Variants in ACSS2 observed in about 807,000 individuals in gnomAD.
ACSS2 encodes the protein acyl-CoA synthetase short chain family member 2, also known as acetyl-coenzyme A synthetase, cytoplasmic.
Under a neutral mutation model 90.6 loss-of-function variants are expected in ACSS2, and 58 were observed. The ratio of observed to expected loss-of-function variants is 0.64; its 90% CI spans 0.52 to 0.80. The LOEUF (loss-of-function observed/expected upper bound fraction) is 0.80. ACSS2 is among the 30% of genes least tolerant of loss of function. The probability of loss-of-function intolerance (pLI) is 0.00; values close to 1 mark genes in which losing one functional copy is unlikely to be tolerated. For synonymous variants in ACSS2, 300 were observed against 330.9 expected (o/e 0.91, Z 1.01); for missense variants, 759 against 912.0 (o/e 0.83, Z 2.16).
intron 2 of ACSS2, among the ~76,000 whole-genome samples, chr20:34,899,118 C>T (rs1292739891): frequency 1.3e-5 from 2 of 152,216 alleles, no homozygotes; most frequent in East Asian, 3.9e-4. Flanking sequence ...GCCAAGCCCA[C>T]GCCCACTCGG....
At chr20:34,925,658 C>A in intron 14 of ACSS2, 40 bp from the exon 15 acceptor site, 1 of 1,587,988 alleles carries the variant, frequency 6.3e-7, no homozygotes, top group South Asian at 1.1e-5. Context: ...GGTATCCTAC[C>A]GTAGGGTTTT....
intron 2 of ACSS2, among the ~76,000 whole-genome samples, chr20:34,910,966 G>C (rs564196956): frequency 2.7e-4 from 41 of 152,158 alleles, no homozygotes; most frequent in Admixed American, 4.6e-4. Context: ...GAGACTACAG[G>C]TGTGCACCAC....
At chr20:34,897,412 CT>C (rs2080491027) in intron 2 of ACSS2, among the ~76,000 whole-genome samples, 1 of 152,222 alleles carries the variant, frequency 6.6e-6, no homozygotes. Context: ...TACTTTCTGT[CT>C]CTAAGGCTCT....
intron 2 of ACSS2, among the ~76,000 whole-genome samples, chr20:34,906,358 C>T (rs989444180): frequency 1.1e-4 from 16 of 148,660 alleles, no homozygotes; most frequent in African/African-American, 3.5e-4. Context: ...AAAAAGAGTT[C>T]TGATATCCTA....
At position 34,923,421 on chromosome 20, in the gene ACSS2, T is replaced by C. The variant is rs775922855; in HGVS notation, c.1647T>C (p.Val549=). The C allele has an allele frequency of 1.7e-5, 27 of 1,613,474 alleles. No individual in the cohort carries two copies. The highest frequency in any genetic ancestry group is 3.3e-4 in the Middle Eastern group (2 of 6,084). The change falls in exon 14 of 18, where the codon GTT becomes GTC. Residue 549 remains valine (V), a synonymous_variant. Transcript: ENST00000360596. ...TYFKKFPGYY[V]TGDGCQRDQD... ...TTAAGAAGTTTCCTGGATACTATGT[T>C]ACAGGAGATGGTGAGCCTTAGCTAT...
chr20:34,905,849 T>C (rs894967158), intron 2 of ACSS2, among the ~76,000 whole-genome samples: 3 of 152,248 alleles, frequency 2.0e-5, no homozygotes, highest in Non-Finnish European at 4.4e-5. Flanking sequence ...TTTCATGTGG[T>C]CCACTTATTT....
chr20:34,908,365 A>ATTGT (rs1272892237), intron 2 of ACSS2, among the ~76,000 whole-genome samples: 2 of 152,004 alleles, frequency 1.3e-5, no homozygotes, highest in Non-Finnish European at 2.9e-5. Flanking sequence ...ATCTAGCCAT[A>ATTGT]CTGTCTTTCT....
chr20:34,893,774 T>C (rs1389635739), intron 2 of ACSS2, among the ~76,000 whole-genome samples: 1 of 152,108 alleles, frequency 6.6e-6, no homozygotes, highest in East Asian at 1.9e-4. Context: ...TTATCTCTTT[T>C]TGGGATATAA....
chr20:34,878,997 C>T (rs1189507664), intron 1 of ACSS2, among the ~76,000 whole-genome samples: 4 of 150,730 alleles, frequency 2.7e-5, no homozygotes, highest in South Asian at 2.1e-4. Context: ...CTCCGCCTCC[C>T]GGGTTCACGC....
intron 1 of ACSS2, among the ~76,000 whole-genome samples, chr20:34,878,949 G>C (rs1262036151): frequency 7.1e-6 from 1 of 140,040 alleles, no homozygotes; most frequent in East Asian, 2.1e-4. Context: ...CTGTCGCCCA[G>C]GCTGGAGTGC....
At chr20:34,887,478 G>A (rs190896699) in intron 2 of ACSS2, among the ~76,000 whole-genome samples, 3 of 152,350 alleles carry the variant, frequency 2.0e-5, no homozygotes, top group African/African-American at 7.2e-5. Flanking sequence ...AATGGCTCAT[G>A]CCTGTAATCC....
chr20:34,906,814 C>A (rs762925705), intron 2 of ACSS2, among the ~76,000 whole-genome samples: 1 of 151,838 alleles, frequency 6.6e-6, no homozygotes, highest in East Asian at 1.9e-4. Flanking sequence ...GAAACCCCGT[C>A]TCTACTAAAA....
At chr20:34,923,635 A>G (rs1355284775) in intron 14 of ACSS2, among the ~76,000 whole-genome samples, 3 of 152,208 alleles carry the variant, frequency 2.0e-5, no homozygotes, top group East Asian at 1.9e-4. Flanking sequence ...GGCCTCAGGT[A>G]GCTTCCAATC....
intron 1 of ACSS2, among the ~76,000 whole-genome samples, chr20:34,877,818 C>CAAAAAAAAAAAAAAAAAAAAAAA (rs60819156): frequency 1.1e-5 from 1 of 91,220 alleles, no homozygotes; most frequent in African/African-American, 4.8e-5. Context: ...GACTTTGTCT[C>CAAAAAAAAAAAAAAAAAAAAAAA]AAAAAAAAAA....
chr20:34,886,539 G>T (rs867071137), intron 2 of ACSS2, among the ~76,000 whole-genome samples: 1 of 152,198 alleles, frequency 6.6e-6, no homozygotes, highest in Non-Finnish European at 1.5e-5. Context: ...CAGAAGAATC[G>T]CGTGAACCTG....
At chr20:34,913,983 T>C (rs2081022380) in intron 5 of ACSS2, 113 bp from the exon 6 acceptor site, 1 of 1,406,274 alleles carries the variant, frequency 7.1e-7, no homozygotes, top group Admixed American at 1.8e-5. Context: ...TCAGCTCGAA[T>C]CAGCTGGAAG....
intron 7 of ACSS2, among the ~76,000 whole-genome samples, chr20:34,918,794 G>A (rs986180234): frequency 1.3e-5 from 2 of 152,224 alleles, no homozygotes; most frequent in Non-Finnish European, 2.9e-5. Context: ...TCTGAATTGT[G>A]TGGTGTCCGC....
chr20:34,913,105 T>A lies in ACSS2; in HGVS notation c.384T>A (p.Asn128Lys), dbSNP rs758470721. 1 of 1,613,988 alleles carries A rather than the reference T, an allele frequency of 6.2e-7. No individual in the cohort carries two copies. The highest frequency in any genetic ancestry group is 8.5e-7 in the Non-Finnish European group (1 of 1,179,898). ...TTCTGGTATGTCTCAGGGAGGGCAATGAGCCAGGGGAGACCACTCAGATCA... is the reference window on the plus strand; with the variant it reads ...TTCTGGTATGTCTCAGGGAGGGCAAAGAGCCAGGGGAGACCACTCAGATCA... ...GDKVAFYWEG[N>K]EPGETTQITY... Residue 128 changes from asparagine (N) to lysine (K), a missense_variant, in exon 3 of 18, where the codon AAT becomes AAA. Physicochemically the swap from Asn to Lys is moderately conservative, Grantham distance 94. Coordinates refer to ENST00000360596, the MANE Select transcript of ACSS2 (RefSeq NM_018677.4).
intron 14 of ACSS2, among the ~76,000 whole-genome samples, chr20:34,925,247 A>C (rs1209970829): frequency 6.6e-6 from 1 of 152,122 alleles, no homozygotes; most frequent in East Asian, 1.9e-4. Context: ...TAGGGCCTGT[A>C]GTCATCTGAA....
Sources: allele counts gnomAD v4.1 joint callset (sites outside exome capture counted in the v4.1 genomes callset), GRCh38; gene constraint gnomAD v4.1.1; transcripts MANE v1.5; gene names NCBI Gene and HGNC (gene_info 2026-07-23, HGNC 2026-07-21).